Variants in NUP133 observed in about 807,000 individuals in gnomAD.
The protein encoded by NUP133 is nucleoporin 133, also known as nuclear pore complex protein Nup133.
In NUP133, 66 loss-of-function variants were observed where a neutral mutation model predicts 146.2. The ratio of observed to expected loss-of-function variants is 0.45; its 90% CI spans 0.37 to 0.55. The LOEUF (loss-of-function observed/expected upper bound fraction) is 0.55. Among genes scored for constraint, NUP133 ranks in the 20% least tolerant of loss-of-function variants. The probability of loss-of-function intolerance (pLI) is 0.00; values close to 1 mark genes in which losing one functional copy is unlikely to be tolerated. For synonymous variants in NUP133, 521 were observed against 498.8 expected, an observed-to-expected ratio of 1.04 and a Z score of -0.59; for missense variants, 1,277 against 1,374.8, an observed-to-expected ratio of 0.93 and a Z score of 1.12.
At chr1:229,460,886 A>G in intron 19 of NUP133, 117 bp from the exon 20 acceptor site, 1 of 761,938 alleles carries the variant, frequency 1.3e-6, no homozygotes. Context: ...CTAAACAATA[A>G]TTTCCTATAT....
intron 16 of NUP133, among the ~76,000 whole-genome samples, chr1:229,466,282 C>T (rs1282885003): frequency 6.6e-6 from 1 of 152,134 alleles, no homozygotes; most frequent in Non-Finnish European, 1.5e-5. Context: ...TTACAGTGAG[C>T]TATGATGGTG....
chr1:229,478,361 T>C (rs1235892131), intron 12 of NUP133, among the ~76,000 whole-genome samples: 1 of 151,526 alleles, frequency 6.6e-6, no homozygotes, highest in Non-Finnish European at 1.5e-5. Context: ...TCCAGACAAT[T>C]GAGCAAGCAA....
intron 8 of NUP133, among the ~76,000 whole-genome samples, chr1:229,492,175 C>T (rs547967201): frequency 2.0e-5 from 3 of 150,952 alleles, no homozygotes; most frequent in South Asian, 2.1e-4. Context: ...GGCGTGATCT[C>T]GGCTCACTGC....
chr1:229,482,823 C>G (rs1240932376), intron 12 of NUP133, among the ~76,000 whole-genome samples: 1 of 152,138 alleles, frequency 6.6e-6, no homozygotes, highest in Non-Finnish European at 1.5e-5. Flanking sequence ...ACTCTAGAAC[C>G]CTGTGATACA....
chr1:229,484,694 A>C (rs1195451497), intron 11 of NUP133, among the ~76,000 whole-genome samples: 1 of 152,232 alleles, frequency 6.6e-6, no homozygotes, highest in African/African-American at 2.4e-5. Context: ...TTGATTACAA[A>C]TTTAAACAAC....
At chr1:229,457,087 A>G (rs1401343501) in intron 21 of NUP133, among the ~76,000 whole-genome samples, 6 of 152,108 alleles carry the variant, frequency 3.9e-5, no homozygotes, top group Non-Finnish European at 7.4e-5. Flanking sequence ...TCAGCCTCCC[A>G]AAGTGCTGGG....
rs115803241 is a variant in NUP133, at chr1:229,461,037, C to T, written c.2686-268G>A. ...GCCAATATGGTAGCAACTGGCCATA[C>T]GTAGCTGTTTAACTTAAATAAAAAA... On this transcript the variant is annotated intron_variant, in intron 19 of 25. Transcript: ENST00000261396. Among the ~76,000 whole-genome samples, 779 of 152,216 alleles carry T rather than the reference C, an allele frequency of 5.1e-3. 2 individuals are homozygous for T. Among genetic ancestry groups the T allele is most frequent in the Non-Finnish European group, 8.2e-3 (559 of 68,022 alleles).
intron 11 of NUP133, 73 bp from the exon 12 acceptor site, chr1:229,484,218 C>A (rs1418079762): frequency 8.5e-6 from 9 of 1,053,886 alleles, no homozygotes; most frequent in Non-Finnish European, 1.3e-5. Context: ...AAAAACTGCA[C>A]CCATCCTATG....
chr1:229,448,809 G>T, intron 24 of NUP133: 1 of 348,966 alleles, frequency 2.9e-6, no homozygotes, highest in Non-Finnish European at 5.2e-6. Flanking sequence ...TCAAACCCAA[G>T]GAGGGGGTTG....
intron 24 of NUP133, among the ~76,000 whole-genome samples, chr1:229,446,828 G>A (rs1173801013): frequency 6.6e-6 from 1 of 151,908 alleles, no homozygotes; most frequent in Non-Finnish European, 1.5e-5. Context: ...CCTCACTTCT[G>A]CAAAAATAAG....
chr1:229,456,387 C>A (rs1660559353), intron 21 of NUP133, among the ~76,000 whole-genome samples: 1 of 152,208 alleles, frequency 6.6e-6, no homozygotes, highest in Non-Finnish European at 1.5e-5. Context: ...AAGCATTTCA[C>A]TGACCCTCTC....
chr1:229,463,307 G>A (rs1660732932), intron 19 of NUP133, among the ~76,000 whole-genome samples: 1 of 152,194 alleles, frequency 6.6e-6, no homozygotes, highest in Admixed American at 6.5e-5. Flanking sequence ...GTGGGAGGGG[G>A]TGAGGTGGGA....
In NUP133 at chr1:229,448,150, C is replaced by T. The variant is rs925006749; in HGVS notation, c.3245+976G>A. On this transcript the variant is annotated intron_variant, in intron 24 of 25. Transcript: ENST00000261396. ...TATATAGTCTAAAAACGGGAGGAGC[C>T]GGGCGTGGTGGCTCACGCCTGTAAT... Among the ~76,000 whole-genome samples, 9 of 152,204 alleles carry T rather than the reference C, an allele frequency of 5.9e-5. No homozygotes were observed. In the South Asian group the frequency reaches 8.3e-4, roughly 14 times the overall value.
chr1:229,451,201 C>G (rs1235903621), intron 22 of NUP133: 1 of 151,984 alleles, frequency 6.6e-6, no homozygotes, highest in East Asian at 2.0e-4. Context: ...GAGTTCGAGA[C>G]CAGCCTGGGC....
At chr1:229,451,985 TA>T (rs1660459476) in intron 22 of NUP133, among the ~76,000 whole-genome samples, 1 of 152,228 alleles carries the variant, frequency 6.6e-6, no homozygotes, top group Admixed American at 6.5e-5. Context: ...GCTAAAATGC[TA>T]ATGTATTTTA....
rs772036371 is a variant in NUP133, at chr1:229,499,725, A to C, written c.607T>G (p.Ser203Ala). Residue 203 changes from serine to alanine, a missense_variant, in exon 5 of 26, where the codon TCG becomes GCG. Around this residue, in one of 3 missense-constraint regions of NUP133, gnomAD observed 319 missense variants for 306.9 expected, o/e 1.04. Transcript: ENST00000261396. ...EDTYTEAFVD[S>A]GGDKTYSFLT... ...AAACTGTAAGTCTTATCACCTCCCG[A>C]ATCTACAAAAGCCTCTGTGTAGGTA... The C allele has an allele frequency of 1.5e-5, 25 of 1,614,122 alleles. No individual in the cohort carries two copies. Among genetic ancestry groups the C allele is most frequent in the Non-Finnish European group, 2.0e-5 (24 of 1,179,972 alleles).
rs560388367 is a variant in NUP133, at chr1:229,506,901, G to C, written c.183-743C>G. 2.0e-5 allele frequency among the ~76,000 whole-genome samples: 3 copies of C among 151,264 alleles called. No homozygotes were observed. The East Asian group carries it at 5.8e-4, about 29-fold the overall frequency. On this transcript the variant is annotated intron_variant, in intron 1 of 25. Coordinates refer to ENST00000261396, the MANE Select transcript of NUP133 (RefSeq NM_018230.3). ...AGGTTACGAGCATCAGCTGTTACAT[G>C]GTCCTCAACAGCAGATATCACAGTA...
At chr1:229,457,457 C>T (rs376681597) in intron 21 of NUP133, among the ~76,000 whole-genome samples, 215 of 152,260 alleles carry the variant, frequency 1.4e-3, no homozygotes, top group East Asian at 4.4e-3. Context: ...TATATAAAAA[C>T]GGTAGTTACT....
At chr1:229,501,572 G>T (rs182826236) in intron 3 of NUP133, among the ~76,000 whole-genome samples, 30 of 152,326 alleles carry the variant, frequency 2.0e-4, no homozygotes, top group African/African-American at 7.0e-4. Context: ...GTGGACAAGT[G>T]AAAAGTTTAA....
Sources: allele counts gnomAD v4.1 joint callset (sites outside exome capture counted in the v4.1 genomes callset), GRCh38; gene constraint gnomAD v4.1.1; regional missense constraint gnomAD v4.1.1; transcripts MANE v1.5; gene names NCBI Gene and HGNC (gene_info 2026-07-23, HGNC 2026-07-21).